STARD13: variants seen among roughly 807,000 people sequenced by gnomAD.
STARD13 encodes stAR-related lipid transfer protein 13.
In STARD13, 62 loss-of-function variants were observed where a neutral mutation model predicts 106.4. The observed-to-expected ratio is 0.58, with a 90% CI of 0.48 to 0.72. STARD13 has a LOEUF of 0.72. STARD13 is among the 30% of genes least tolerant of loss of function. STARD13 has a pLI of 0.00. For synonymous variants in STARD13, 565 were observed against 553.0 expected (o/e 1.02, Z -0.31); for missense variants, 1,387 against 1,424.0 (o/e 0.97, Z 0.42).
the STARD13 span, among the ~76,000 whole-genome samples, chr13:33,626,720 G>T: frequency 1.3e-5 from 2 of 152,192 alleles, no homozygotes; most frequent in Non-Finnish European, 2.9e-5. Context: ...TTTGCAAGTG[G>T]TGCTATATGC....
upstream of STARD13, among the ~76,000 whole-genome samples, chr13:33,288,602 A>T (rs181644189): frequency 6.1e-4 from 92 of 151,522 alleles, no homozygotes; most frequent in Non-Finnish European, 8.1e-4. Flanking sequence ...AAAAAAGGGA[A>T]TTTTTATTCC....
chr13:33,415,455 T>C, the STARD13 span, among the ~76,000 whole-genome samples: 1 of 152,252 alleles, frequency 6.6e-6, no homozygotes, highest in Non-Finnish European at 1.5e-5. Flanking sequence ...GATTAACTTA[T>C]AATTTATATA....
the STARD13 span, among the ~76,000 whole-genome samples, chr13:33,422,625 C>T: frequency 6.6e-6 from 1 of 152,150 alleles, no homozygotes; most frequent in Non-Finnish European, 1.5e-5. Flanking sequence ...AAAAAAGAGC[C>T]TGCATTGCCA....
upstream of STARD13, among the ~76,000 whole-genome samples, chr13:33,353,824 G>GTGTT (rs55991851): frequency 0.51 from 76,456 of 151,354 alleles, 21,917 homozygotes; most frequent in East Asian, 0.9. Context: ...TCCAGACATT[G>GTGTT]TGTTTGTTTG....
At chr13:33,137,255 G>C (rs1474577835) in intron 4 of STARD13, among the ~76,000 whole-genome samples, 1 of 152,204 alleles carries the variant, frequency 6.6e-6, no homozygotes, top group Non-Finnish European at 1.5e-5. Context: ...TTGAGAAACT[G>C]TTCTAGATTG....
At chr13:33,302,844 T>C (rs1677470283) in intron 1 of STARD13, among the ~76,000 whole-genome samples, 1 of 152,238 alleles carries the variant, frequency 6.6e-6, no homozygotes. Flanking sequence ...TCCTAAAGTA[T>C]AGTTCTGATA....
At chr13:33,278,465 A>T (rs1441740326) in intron 1 of STARD13, 1 of 152,142 alleles carries the variant, frequency 6.6e-6, no homozygotes, top group East Asian at 1.9e-4. Flanking sequence ...CTGGACTATA[A>T]TTTATTGTGA....
downstream of STARD13, among the ~76,000 whole-genome samples, chr13:33,343,658 C>T (rs1447996351): frequency 1.3e-5 from 2 of 148,712 alleles, no homozygotes; most frequent in Non-Finnish European, 3.0e-5. Flanking sequence ...GTTATTGTCT[C>T]TATTTCAAGA....
Position 33,109,945 on chromosome 13 carries a change from C to T in STARD13, c.2975G>A (p.Arg992Lys), listed in dbSNP as rs528268102. The change falls in exon 12 of 14, where the codon AGG becomes AAG. Residue 992 changes from arginine (R) to lysine (K), a missense_variant. Coordinates refer to ENST00000336934, the MANE Select transcript of STARD13 (RefSeq NM_178006.4). ...CACATACTGGTAGATCTCTGTTTGCCTGTCTAGAGTTTCCACAACCTTCCA... is the reference window on the plus strand; with the variant it reads ...CACATACTGGTAGATCTCTGTTTGCTTGTCTAGAGTTTCCACAACCTTCCA... ...VQWKVVETLD[R>K]QTEIYQYVLN... is the part of the protein sequence containing the mutation. 7 of 1,614,096 alleles carry T rather than the reference C, an allele frequency of 4.3e-6. No individual in the cohort carries two copies. Among genetic ancestry groups the T allele is most frequent in the South Asian group, 1.1e-5 (1 of 91,092 alleles).
At chr13:33,273,346 A>G (rs746046052) in intron 1 of STARD13, among the ~76,000 whole-genome samples, 1 of 152,232 alleles carries the variant, frequency 6.6e-6, no homozygotes, top group Non-Finnish European at 1.5e-5. Flanking sequence ...CAGACAGCCA[A>G]TATTTTATCC....
At chr13:33,357,352 G>A in the STARD13 span, among the ~76,000 whole-genome samples, 1 of 152,188 alleles carries the variant, frequency 6.6e-6, no homozygotes, top group Non-Finnish European at 1.5e-5. Flanking sequence ...CTAAAGACAG[G>A]CAGCATGTGT....
chr13:33,175,319 A>G (rs933542806), intron 1 of STARD13, among the ~76,000 whole-genome samples: 1 of 152,138 alleles, frequency 6.6e-6, no homozygotes, highest in African/African-American at 2.4e-5. Flanking sequence ...ATCCCAAGAG[A>G]TTCTTCAAGA....
intron 1 of STARD13, among the ~76,000 whole-genome samples, chr13:33,332,090 C>T (rs546352786): frequency 1.4e-3 from 212 of 152,260 alleles, no homozygotes; most frequent in Non-Finnish European, 2.2e-3. Context: ...CAGACTCTCT[C>T]CCAGGCATAA....
At chr13:33,259,044 C>T in intron 1 of STARD13, among the ~76,000 whole-genome samples, 1 of 152,144 alleles carries the variant, frequency 6.6e-6, no homozygotes, top group East Asian at 1.9e-4. Flanking sequence ...TCTGGAGCTC[C>T]CCTTGGATCC....
the STARD13 span, among the ~76,000 whole-genome samples, chr13:33,455,252 C>T: frequency 6.6e-6 from 1 of 152,188 alleles, no homozygotes; most frequent in African/African-American, 2.4e-5. Context: ...ATGCAACCAT[C>T]TCCAAAAGTA....
chr13:33,113,515 G>C (rs1172379844), intron 8 of STARD13: 4 of 511,490 alleles, frequency 7.8e-6, no homozygotes, highest in African/African-American at 3.9e-5. Context: ...TAGAGGGCCA[G>C]CTTCTCGAGG....
the STARD13 span, among the ~76,000 whole-genome samples, chr13:33,505,381 T>C: frequency 6.6e-6 from 1 of 152,146 alleles, no homozygotes; most frequent in Non-Finnish European, 1.5e-5. Flanking sequence ...TAAAAATTCA[T>C]ATAGAATTAA....
chr13:33,541,679 T>A, the STARD13 span, among the ~76,000 whole-genome samples: 1 of 151,360 alleles, frequency 6.6e-6, no homozygotes, highest in Non-Finnish European at 1.5e-5. Context: ...GGATTGTTTT[T>A]ATATAGGCCC....
chr13:33,128,791 T>C, intron 5 of STARD13, 138 bp downstream of exon 5: 1 of 827,650 alleles, frequency 1.2e-6, no homozygotes, highest in South Asian at 1.8e-5. Context: ...TCTGTTCAAA[T>C]AATTCCTAAT....
Sources: gnomAD v4.1 joint callset for allele counts (sites outside exome capture counted in the v4.1 genomes callset) on GRCh38, gnomAD v4.1.1 for gene constraint, MANE v1.5 for transcripts, NCBI Gene and HGNC (gene_info 2026-07-23, HGNC 2026-07-21) for gene names.